Variants in KIF21A observed in about 807,000 individuals in gnomAD.
KIF21A encodes kinesin family member 21A, also known as kinesin-like protein KIF21A.
A neutral mutation model predicts 202.9 loss-of-function variants in KIF21A; 114 were observed. The ratio of observed to expected loss-of-function variants is 0.56; its 90% CI spans 0.48 to 0.66. The LOEUF is 0.66. Ranked by LOEUF, KIF21A falls within the 30% of genes least tolerant of loss-of-function variation. KIF21A has a pLI of 0.00. For missense variants in KIF21A, 1,677 were observed against 1,994.9 expected (o/e 0.84, Z 3.04); for synonymous variants, 667 against 670.8 (o/e 0.99, Z 0.09).
intron 10 of KIF21A, among the ~76,000 whole-genome samples, chr12:39,353,258 C>T (rs1199218438): frequency 6.6e-6 from 1 of 152,142 alleles, no homozygotes; most frequent in Non-Finnish European, 1.5e-5. Context: ...CTCCCAGCCT[C>T]AAGTGATCCT....
chr12:39,368,048 T>C lies in KIF21A; in HGVS notation c.451-16A>G, dbSNP rs375957979. On this transcript the variant is annotated splice_polypyrimidine_tract_variant and intron_variant, in intron 3 of 37. Transcript: ENST00000361418. The stretch of plus-strand genomic sequence containing the variant: ...CATTATAGAGCTATCAAAAAAATAT[T>C]AGAAATCTAATTTTAGCAGAAATTG... 172 of 1,519,186 alleles carry C rather than the reference T, an allele frequency of 1.1e-4. No individual in the cohort carries two copies. The highest frequency in any genetic ancestry group is 1.5e-4 in the Non-Finnish European group (163 of 1,099,018). 94.1% of individuals were successfully genotyped at this position (1,519,186 alleles called of 1,614,324 possible).
In KIF21A at chr12:39,315,333, GAGAGAA is replaced by G. The variant is rs149762531; in HGVS notation, c.3948-99_3948-94del. ...GATAATGGTGAAAGGGAATGAGACA[GAGAGAA>G]AGAGAAAGAGAAGTTAAGGACCCCC... On this transcript the variant is annotated intron_variant, in intron 30 of 37. Transcript: ENST00000361418. The G allele has an allele frequency of 3.3e-3, 3,710 of 1,116,484 alleles. 74 individuals carry two copies. The African/African-American group carries it at 0.048, about 14-fold the overall frequency. The allele number at this position is 1,116,484 out of a possible 1,614,324, so 69.2% of individuals were successfully genotyped here.
chr12:39,419,950 T>C (rs1205110415), intron 1 of KIF21A, among the ~76,000 whole-genome samples: 1 of 151,970 alleles, frequency 6.6e-6, no homozygotes, highest in African/African-American at 2.4e-5. Flanking sequence ...TCTCAGAGTG[T>C]CCACCCGGAG....
chr12:39,342,804 A>T (rs1947557645), intron 12 of KIF21A, among the ~76,000 whole-genome samples: 1 of 152,144 alleles, frequency 6.6e-6, no homozygotes, highest in African/African-American at 2.4e-5. Context: ...CTGCCGCAAG[A>T]TTCACCTTAT....
At chr12:39,314,764 C>T (rs997446341) in intron 31 of KIF21A, among the ~76,000 whole-genome samples, 2 of 151,774 alleles carry the variant, frequency 1.3e-5, no homozygotes, top group African/African-American at 2.4e-5. Flanking sequence ...GTTATAGTAT[C>T]ATAAAATACT....
At chr12:39,363,071 G>C in intron 7 of KIF21A, 27 bp downstream of exon 7, 1 of 1,317,488 alleles carries the variant, frequency 7.6e-7, no homozygotes, top group Non-Finnish European at 1.1e-6. Flanking sequence ...TCAAAAGTCT[G>C]AGTAGAGGAT....
At chr12:39,356,652 G>T in intron 10 of KIF21A, 180 bp downstream of exon 10, 1 of 473,238 alleles carries the variant, frequency 2.1e-6, no homozygotes, top group Non-Finnish European at 3.8e-6. Flanking sequence ...GAGGAAAACA[G>T]CTTGGAATAT....
intron 29 of KIF21A, 72 bp downstream of exon 29, chr12:39,318,001 T>C (rs1944755351): frequency 1.4e-6 from 2 of 1,480,064 alleles, no homozygotes; most frequent in Non-Finnish European, 1.9e-6. Context: ...TGACTACATG[T>C]TTTCTACAGA....
At chr12:39,439,642 T>C (rs1301684004) in intron 1 of KIF21A, among the ~76,000 whole-genome samples, 1 of 152,242 alleles carries the variant, frequency 6.6e-6, no homozygotes, top group Admixed American at 6.5e-5. Context: ...AATTAAAAAT[T>C]TAGTTCCTCA....
chr12:39,395,710 C>CG (rs1256879439), intron 1 of KIF21A, among the ~76,000 whole-genome samples: 1 of 151,864 alleles, frequency 6.6e-6, no homozygotes, highest in Non-Finnish European at 1.5e-5. Context: ...GGCGTGGTTG[C>CG]GGGCGCCTGT....
Position 39,341,034 on chromosome 12 carries a change from AT to A in KIF21A, c.1981del (p.Ile661LeufsTer4). 1 of 1,612,532 alleles carries A rather than the reference AT, an allele frequency of 6.2e-7. No homozygotes were observed. The highest frequency in any genetic ancestry group is 8.5e-7 in the Non-Finnish European group (1 of 1,179,140). On this transcript the variant is annotated frameshift_variant, in exon 15 of 38. Coordinates refer to ENST00000361418, the MANE Select transcript of KIF21A (RefSeq NM_001173464.2). LOFTEE classifies it high-confidence loss of function. ...TTTCTGGCTGTTTTCTAGTTCATCA[AT>A]CAGCTTTTGCTTAATTGCAATTTCA... ...TCEIAIKQKL[I>X]DELENSQKRL...
chr12:39,357,528 T>A, intron 8 of KIF21A, 91 bp from the exon 9 acceptor site: 2 of 1,123,406 alleles, frequency 1.8e-6, no homozygotes, highest in African/African-American at 1.5e-5. Context: ...TACAATTCTC[T>A]AACCAAGAGC....
At position 39,346,077 on chromosome 12, in the gene KIF21A, G is replaced by A. The variant is rs940948850; in HGVS notation, c.1712+389C>T. On this transcript the variant is annotated intron_variant, in intron 12 of 37. Coordinates refer to ENST00000361418, the MANE Select transcript of KIF21A (RefSeq NM_001173464.2). ...GATTCAGCATGTGCTACAACAAAAT[G>A]TCAATTTCCACTCTGCTCACAAGTT... is the stretch of plus-strand genomic sequence containing the variant. Among the ~76,000 whole-genome samples, 7 of 152,030 alleles carry A rather than the reference G, an allele frequency of 4.6e-5. No homozygotes were observed. In the East Asian group the frequency reaches 1.3e-3, roughly 29 times the overall value.
chr12:39,399,258 G>A (rs1253385625), intron 1 of KIF21A, among the ~76,000 whole-genome samples: 1 of 152,156 alleles, frequency 6.6e-6, no homozygotes. Context: ...AAGTAACCTA[G>A]AGATGATTTA....
At chr12:39,387,399 A>C (rs2139571030) in intron 1 of KIF21A, among the ~76,000 whole-genome samples, 1 of 152,300 alleles carries the variant, frequency 6.6e-6, no homozygotes, top group South Asian at 2.1e-4. Context: ...AACCAGAACC[A>C]GGGAGAACAA....
chr12:39,422,231 G>T lies in KIF21A; in HGVS notation c.44+20696C>A, dbSNP rs868310621. 7.9e-5 allele frequency among the ~76,000 whole-genome samples: 12 copies of T among 151,800 alleles called. No homozygotes were observed. The South Asian group carries it at 2.5e-3, about 32-fold the overall frequency. On this transcript the variant is annotated intron_variant, in intron 1 of 37. Coordinates refer to ENST00000361418, the MANE Select transcript of KIF21A (RefSeq NM_001173464.2). ...CCACTGTGGCCTCTCAAAGTGCTAC[G>T]ATTACATGCATGAGCCACCATGCCC...
At chr12:39,303,758 C>T (rs947470309) in intron 35 of KIF21A, among the ~76,000 whole-genome samples, 11 of 152,170 alleles carry the variant, frequency 7.2e-5, no homozygotes, top group Admixed American at 3.3e-4. Context: ...TCTGCAGTCC[C>T]GGAGGTCATC....
At chr12:39,441,513 A>G (rs1404927127) in intron 1 of KIF21A, among the ~76,000 whole-genome samples, 1 of 151,878 alleles carries the variant, frequency 6.6e-6, no homozygotes, top group Non-Finnish European at 1.5e-5. Context: ...GGGCCAAAAG[A>G]GAGGTAGTAG....
chr12:39,338,893 A>T (rs568654948), intron 16 of KIF21A, among the ~76,000 whole-genome samples: 3 of 152,348 alleles, frequency 2.0e-5, no homozygotes, highest in Admixed American at 2.0e-4. Context: ...TCCTCAAGGC[A>T]GGGTTGCCAC....
Sources: allele counts gnomAD v4.1 joint callset (sites outside exome capture counted in the v4.1 genomes callset), GRCh38; gene constraint gnomAD v4.1.1; transcripts MANE v1.5; gene names NCBI Gene and HGNC (gene_info 2026-07-23, HGNC 2026-07-21).